The following NAALADL2 variants were observed in gnomAD, a reference collection of about 807,000 sequenced individuals.
NAALADL2 encodes N-acetylated alpha-linked acidic dipeptidase like 2.
A neutral mutation model predicts 87.2 loss-of-function variants in NAALADL2; 76 were observed. That is an observed-to-expected ratio of 0.87 (90% CI 0.72 to 1.05). The LOEUF (loss-of-function observed/expected upper bound fraction) is 1.05. Among genes scored for constraint, NAALADL2 ranks in the 50% least tolerant of loss-of-function variants. The pLI, the probability that NAALADL2 is intolerant of heterozygous loss-of-function variation, is 0.00. For synonymous variants in NAALADL2, 354 were observed against 331.0 expected (o/e 1.07, Z -0.75); for missense variants, 1,089 against 945.8 (o/e 1.15, Z -1.99).
intron 2 of NAALADL2, among the ~76,000 whole-genome samples, chr3:175,201,737 T>A (rs1409180176): frequency 6.6e-6 from 1 of 152,024 alleles, no homozygotes; most frequent in East Asian, 1.9e-4. Context: ...TCTTTCTCAC[T>A]TAAGTATCAT....
chr3:175,716,544 G>T (rs1490673441), intron 11 of NAALADL2, among the ~76,000 whole-genome samples: 1 of 151,976 alleles, frequency 6.6e-6, no homozygotes, highest in Non-Finnish European at 1.5e-5. Context: ...GAATGAGTCA[G>T]CTCTACAAAG....
chr3:175,428,705 C>T (rs1717235130), intron 5 of NAALADL2, among the ~76,000 whole-genome samples: 1 of 152,030 alleles, frequency 6.6e-6, no homozygotes, highest in South Asian at 2.1e-4. Flanking sequence ...CTTTAATTCT[C>T]ACTGGGACAA....
intron 9 of NAALADL2, among the ~76,000 whole-genome samples, chr3:175,566,134 A>G (rs1253860327): frequency 1.3e-5 from 2 of 152,126 alleles, no homozygotes; most frequent in Non-Finnish European, 2.9e-5. Flanking sequence ...CTGGCCACAA[A>G]AGCCTTTTTA....
At chr3:174,457,191 A>G (rs539731632) in intron 1 of NAALADL2, among the ~76,000 whole-genome samples, 2 of 152,318 alleles carry the variant, frequency 1.3e-5, no homozygotes, top group African/African-American at 4.8e-5. Context: ...ATTACTAAAA[A>G]GTAAAAAAAT....
intron 1 of NAALADL2, among the ~76,000 whole-genome samples, chr3:174,902,576 G>A (rs1022959967): frequency 2.6e-5 from 4 of 151,996 alleles, no homozygotes; most frequent in African/African-American, 9.7e-5. Flanking sequence ...CATTATCTAG[G>A]TTCTATTAAT....
intron 13 of NAALADL2, among the ~76,000 whole-genome samples, chr3:175,799,381 T>C (rs536994896): frequency 1.3e-5 from 2 of 152,266 alleles, no homozygotes; most frequent in South Asian, 4.1e-4. Context: ...CTTTAAAATA[T>C]CTTGATTACT....
In NAALADL2 at chr3:175,436,400, G is replaced by C. The variant is rs913646317; in HGVS notation, c.1091-10829G>C. ...ATGGCTGGGTCAAATGGTATTTCTA[G>C]TTCTAGATCCCTGAGGAATCGCCAC... On this transcript the variant is annotated intron_variant, in intron 5 of 13. Transcript: ENST00000454872. Among the ~76,000 whole-genome samples the C allele has an allele frequency of 1.0e-4, 15 of 148,278 alleles. 1 individual carries two copies. The highest frequency in any genetic ancestry group is 2.8e-4 in the Admixed American group (4 of 14,540).
At chr3:174,838,568 A>T (rs775138835) in intron 3 of NAALADL2, among the ~76,000 whole-genome samples, 32 of 152,178 alleles carry the variant, frequency 2.1e-4, no homozygotes, top group Non-Finnish European at 4.4e-4. Context: ...CTGTCTGCTG[A>T]TAATATGATT....
In NAALADL2 at chr3:175,808,928, A is replaced by G. The variant is rs370893805; in HGVS notation, c.*5725A>G. 16 of 152,122 alleles carry G rather than the reference A, an allele frequency of 1.1e-4. No individual in the cohort carries two copies. Among genetic ancestry groups the G allele is most frequent in the African/African-American group, 3.6e-4 (15 of 41,534 alleles). 9.4% of individuals were successfully genotyped at this position (152,122 alleles called of 1,614,324 possible). On this transcript the variant is annotated 3_prime_UTR_variant, in exon 14 of 14. Transcript: ENST00000454872. ...TATTTAATTATCTAGCCTGCTCAGT[A>G]ATCATAACTCTCCAACTTCTTCAAA...
chr3:174,824,577 C>T lies in NAALADL2; in HGVS notation c.-9+86831C>T, dbSNP rs73035907. Among the ~76,000 whole-genome samples, 1,487 of 152,280 alleles carry T rather than the reference C, an allele frequency of 9.8e-3. 20 individuals carry two copies. The highest frequency in any genetic ancestry group is 0.034 in the African/African-American group (1,404 of 41,546). Reference sequence around the variant, plus strand: ...CAAGATTTTATATATCATGCATCCACATAAGTGATTTGACTTATAACCAAC... The same window carrying T: ...CAAGATTTTATATATCATGCATCCATATAAGTGATTTGACTTATAACCAAC... On this transcript the variant is annotated intron_variant, in intron 3 of 3. Coordinates refer to the NAALADL2 transcript ENST00000434257.
chr3:175,650,353 C>A (rs185178138), intron 11 of NAALADL2, among the ~76,000 whole-genome samples: 2 of 152,070 alleles, frequency 1.3e-5, no homozygotes, highest in African/African-American at 4.8e-5. Flanking sequence ...GCAAATAGAA[C>A]TCAAAGGAAT....
intron 1 of NAALADL2, among the ~76,000 whole-genome samples, chr3:174,920,895 C>G (rs1248270116): frequency 6.6e-6 from 1 of 152,028 alleles, no homozygotes; most frequent in South Asian, 2.1e-4. Flanking sequence ...GAGAAGGAGG[C>G]CTGAGGAGAG....
chr3:174,816,417 T>TGCAC (rs377727617), intron 3 of NAALADL2, among the ~76,000 whole-genome samples: 7 of 149,972 alleles, frequency 4.7e-5, no homozygotes, highest in Admixed American at 3.3e-4. Flanking sequence ...TGTGTGCGTG[T>TGCAC]GTGTGTGTGT....
intron 1 of NAALADL2, among the ~76,000 whole-genome samples, chr3:174,875,274 T>C (rs753247566): frequency 1.3e-5 from 2 of 151,698 alleles, no homozygotes; most frequent in Admixed American, 6.6e-5. Context: ...ACAATATAAA[T>C]GTCATTGCAT....
At chr3:174,852,506 C>A (rs974256160) in intron 3 of NAALADL2, among the ~76,000 whole-genome samples, 1 of 151,852 alleles carries the variant, frequency 6.6e-6, no homozygotes, top group East Asian at 1.9e-4. Flanking sequence ...TAAACTTAAC[C>A]AAATAAGTGA....
chr3:175,160,550 C>T (rs1322467082), intron 2 of NAALADL2, among the ~76,000 whole-genome samples: 2 of 151,644 alleles, frequency 1.3e-5, no homozygotes, highest in Admixed American at 1.3e-4. Flanking sequence ...CGGGGTTTCT[C>T]CATACTGGTC....
In NAALADL2 at chr3:175,256,423, G is replaced by T. The variant is rs201574419; in HGVS notation, c.832G>T (p.Asp278Tyr). Reference protein sequence around the residue: ...AKGTLKAEVIDVSYGMADDLK... With the variant: ...AKGTLKAEVIYVSYGMADDLK... ...TCTCCTCTTTCAGGCTGAAGTCATCGATGTGAGTTATGGAATGGCAGATGA... is the reference window on the plus strand; with the variant it reads ...TCTCCTCTTTCAGGCTGAAGTCATCTATGTGAGTTATGGAATGGCAGATGA... Residue 278 changes from aspartate (D) to tyrosine (Y), a missense_variant, in exon 4 of 14, where the codon GAT becomes TAT. Transcript: ENST00000454872. 2.5e-6 allele frequency: 4 copies of T among 1,609,380 alleles called. No homozygotes were observed. Among genetic ancestry groups the T allele is most frequent in the Non-Finnish European group, 3.4e-6 (4 of 1,177,756 alleles).
intron 2 of NAALADL2, among the ~76,000 whole-genome samples, chr3:175,189,522 A>T (rs1048704229): frequency 4.6e-5 from 7 of 152,220 alleles, no homozygotes; most frequent in African/African-American, 1.7e-4. Flanking sequence ...CTAAGGAGGT[A>T]AAAGTTTCTT....
At chr3:175,108,859 A>C (rs754600709) in intron 2 of NAALADL2, among the ~76,000 whole-genome samples, 1 of 151,784 alleles carries the variant, frequency 6.6e-6, no homozygotes, top group Non-Finnish European at 1.5e-5. Context: ...GCCAAGAAAA[A>C]TTGTGTCAGG....
Sources: allele counts gnomAD v4.1 joint callset (sites outside exome capture counted in the v4.1 genomes callset), GRCh38; gene constraint gnomAD v4.1.1; transcripts MANE v1.5; gene names NCBI Gene and HGNC (gene_info 2026-07-23, HGNC 2026-07-21).